Variants in INSL6 observed in about 807,000 individuals in gnomAD.
INSL6 encodes the protein insulin-like peptide INSL6.
A neutral mutation model predicts 9.4 loss-of-function variants in INSL6; 16 were observed. The ratio of observed to expected loss-of-function variants is 1.70; its 90% CI spans 1.15 to 2.59. The LOEUF (loss-of-function observed/expected upper bound fraction) is 2.59, where lower values mean the gene tolerates loss of function less well. INSL6 is among the 30% of genes most tolerant of loss of function. The pLI, the probability that INSL6 is intolerant of heterozygous loss-of-function variation, is 0.00. For missense variants in INSL6, 391 were observed against 257.3 expected (o/e 1.52, Z -3.56); for synonymous variants, 154 against 96.9 (o/e 1.59, Z -3.46).
the INSL6 span, among the ~76,000 whole-genome samples, chr9:4,996,707 C>G: frequency 6.6e-6 from 1 of 151,806 alleles, no homozygotes; most frequent in African/African-American, 2.4e-5. Context: ...CACCCCTACC[C>G]CTCCCTGCCA....
the INSL6 span, among the ~76,000 whole-genome samples, chr9:5,012,309 T>C: frequency 3.0e-3 from 461 of 152,262 alleles, 4 homozygotes; most frequent in African/African-American, 0.01. Context: ...AAGGGTCATA[T>C]CCCCCCGATT....
At chr9:5,007,640 G>GT in the INSL6 span, among the ~76,000 whole-genome samples, 1 of 151,474 alleles carries the variant, frequency 6.6e-6, no homozygotes, top group East Asian at 1.9e-4. Context: ...AAGTAATTGC[G>GT]TTTTTTACTC....
the INSL6 span, among the ~76,000 whole-genome samples, chr9:5,045,727 G>A: frequency 2.0e-5 from 3 of 152,124 alleles, no homozygotes; most frequent in African/African-American, 7.2e-5. Context: ...GTTCATCCAT[G>A]TTGTAGCATG....
At chr9:5,017,064 A>G in the INSL6 span, among the ~76,000 whole-genome samples, 1 of 152,236 alleles carries the variant, frequency 6.6e-6, no homozygotes, top group Non-Finnish European at 1.5e-5. Context: ...CAAGTTTTAA[A>G]CTACTTGAGG....
the INSL6 span, chr9:5,090,497 G>A: frequency 1.9e-6 from 3 of 1,588,508 alleles, no homozygotes; most frequent in African/African-American, 2.7e-5. Flanking sequence ...GGAAGTTTAC[G>A]AGACTATCTT....
At chr9:5,116,701 A>T in the INSL6 span, among the ~76,000 whole-genome samples, 1 of 152,222 alleles carries the variant, frequency 6.6e-6, no homozygotes, top group Non-Finnish European at 1.5e-5. Context: ...GGATATGAAG[A>T]TAGGCTTAGC....
At chr9:5,114,126 T>C in the INSL6 span, 1 of 363,766 alleles carries the variant, frequency 2.7e-6, no homozygotes, top group Non-Finnish European at 5.5e-6. Flanking sequence ...CCAGGTCACC[T>C]ATCAAGGTAA....
chr9:5,038,995 A>G, the INSL6 span, among the ~76,000 whole-genome samples: 1 of 152,132 alleles, frequency 6.6e-6, no homozygotes, highest in Non-Finnish European at 1.5e-5. Context: ...TAGGAATGGC[A>G]AGGAACTTCC....
At chr9:5,012,839 T>A in the INSL6 span, among the ~76,000 whole-genome samples, 2 of 152,150 alleles carry the variant, frequency 1.3e-5, no homozygotes, top group African/African-American at 4.8e-5. Context: ...AATTTTAGTC[T>A]AAACATTCGT....
intron 3 of INSL6, among the ~76,000 whole-genome samples, chr9:5,130,718 T>A (rs1824258301): frequency 6.6e-6 from 1 of 151,300 alleles, no homozygotes; most frequent in Non-Finnish European, 1.5e-5. Context: ...TTATTTTTTT[T>A]ATTTTTTATT....
the INSL6 span, among the ~76,000 whole-genome samples, chr9:5,031,200 A>T: frequency 6.6e-6 from 1 of 152,230 alleles, no homozygotes; most frequent in East Asian, 1.9e-4. Flanking sequence ...ATTTTACGGA[A>T]TTTGACACAT....
intron 2 of INSL6, among the ~76,000 whole-genome samples, chr9:5,157,164 C>T (rs1013078675): frequency 1.3e-5 from 2 of 152,084 alleles, no homozygotes; most frequent in African/African-American, 2.4e-5. Flanking sequence ...GATCTGAAGG[C>T]TCAATTCTCC....
chr9:5,014,742 TATATG>T, the INSL6 span, among the ~76,000 whole-genome samples: 6 of 152,156 alleles, frequency 3.9e-5, no homozygotes, highest in Admixed American at 6.6e-5. Context: ...AGATGTAACT[TATATG>T]AGAGTTATAA....
At chr9:5,032,724 T>C in the INSL6 span, among the ~76,000 whole-genome samples, 10 of 151,814 alleles carry the variant, frequency 6.6e-5, no homozygotes, top group Non-Finnish European at 1.3e-4. Context: ...AGAAATGACA[T>C]CCACACCAAA....
chr9:5,012,900 A>T, the INSL6 span, among the ~76,000 whole-genome samples: 1 of 152,222 alleles, frequency 6.6e-6, no homozygotes, highest in Non-Finnish European at 1.5e-5. Context: ...GAGGCAAAGT[A>T]GACTTAGGGA....
At chr9:5,107,480 C>G in the INSL6 span, among the ~76,000 whole-genome samples, 3 of 152,036 alleles carry the variant, frequency 2.0e-5, no homozygotes, top group South Asian at 6.2e-4. Flanking sequence ...TACCTAACAA[C>G]AATAATCACC....
chr9:5,094,257 C>A, the INSL6 span: 3 of 152,250 alleles, frequency 2.0e-5, no homozygotes, highest in African/African-American at 7.2e-5. Flanking sequence ...AGAACCCTTA[C>A]GACCCTCAAC....
chr9:5,144,009 A>G (rs138281790), intron 2 of INSL6, among the ~76,000 whole-genome samples: 1 of 152,054 alleles, frequency 6.6e-6, no homozygotes, highest in African/African-American at 2.4e-5. Flanking sequence ...CCTTCAGTTT[A>G]GCTCTGATTT....
chr9:5,081,574 C>A, the INSL6 span: 1 of 581,970 alleles, frequency 1.7e-6, no homozygotes, highest in East Asian at 2.8e-5. Context: ...TGATTAAAGG[C>A]TCCCATTAAT....
Sources: allele counts gnomAD v4.1 joint callset (sites outside exome capture counted in the v4.1 genomes callset), GRCh38; gene constraint gnomAD v4.1.1; transcripts MANE v1.5; gene names NCBI Gene and HGNC (gene_info 2026-07-23, HGNC 2026-07-21).